ATP12A: variants seen among roughly 807,000 people sequenced by gnomAD.
The protein encoded by ATP12A is ATPase H+/K+ transporting non-gastric alpha2 subunit, also known as potassium-transporting ATPase alpha chain 2.
ATP12A carries 81 observed loss-of-function variants against 111.2 expected under a neutral mutation model. The observed-to-expected ratio is 0.73, with a 90% CI of 0.61 to 0.88. ATP12A has a LOEUF of 0.88. Ranked by LOEUF, ATP12A falls within the 40% of genes least tolerant of loss-of-function variation. The pLI is 0.00. For missense variants in ATP12A, 1,196 were observed against 1,313.1 expected, an observed-to-expected ratio of 0.91 and a Z score of 1.38; for synonymous variants, 498 against 499.8, an observed-to-expected ratio of 1.00 and a Z score of 0.05.
At chr13:24,695,410 A>C (rs1875102914) in intron 11 of ATP12A, among the ~76,000 whole-genome samples, 1 of 152,084 alleles carries the variant, frequency 6.6e-6, no homozygotes, top group Admixed American at 6.5e-5. Context: ...CCATGTTAAG[A>C]CAAATGACAG....
At position 24,685,358 on chromosome 13, in the gene ATP12A, C is replaced by G. The variant is rs1367544975; in HGVS notation, c.213C>G (p.Gly71=). ...ATAGGGAATTGGAAGAGAAATATGG[C>G]ACAGACATCATTATGGTGAGTCGTG... ...LSNRELEEKY[G]TDIIMGLSST... The change falls in exon 3 of 23, where the codon GGC becomes GGG. Residue 71 remains glycine, a synonymous_variant. Coordinates refer to ENST00000381946, the MANE Select transcript of ATP12A (RefSeq NM_001676.7). The surrounding 1 kb of genome is among the most constrained non-coding windows in gnomAD (Gnocchi z 5.5). The G allele has an allele frequency of 5.0e-6, 8 of 1,613,902 alleles. No individual in the cohort carries two copies. Among genetic ancestry groups the G allele is most frequent in the Non-Finnish European group, 6.8e-6 (8 of 1,179,958 alleles).
rs1593143206 is a variant in ATP12A at position 24,706,472 on chromosome 13, A to G, written c.2169+9A>G. The G allele has an allele frequency of 6.2e-7, 1 of 1,612,870 alleles. No individual in the cohort carries two copies. Among genetic ancestry groups the G allele is most frequent in the Non-Finnish European group, 8.5e-7 (1 of 1,179,332 alleles). ...AGGGCTGTCAGAGGCAGGTGGGTGG[A>G]CAGCAGTGTCCAGAGGACTGACAGG... is the stretch of plus-strand genomic sequence containing the variant. On this transcript the variant is annotated intron_variant, in intron 15 of 22. Transcript: ENST00000381946.
intron 15 of ATP12A, 31 bp downstream of exon 15, chr13:24,706,494 C>T (rs777436788): frequency 1.2e-6 from 2 of 1,607,346 alleles, no homozygotes; most frequent in East Asian, 4.5e-5. Context: ...AGAGGACTGA[C>T]AGGCCCATCA....
intron 18 of ATP12A, 83 bp downstream of exon 18, chr13:24,709,570 G>T (rs1414520646): frequency 3.1e-6 from 5 of 1,594,938 alleles, no homozygotes; most frequent in African/African-American, 1.3e-5. Flanking sequence ...CAGAAAGTGT[G>T]GTTTTCCTGT....
At chr13:24,688,708 A>G (rs1477106988) in intron 4 of ATP12A, among the ~76,000 whole-genome samples, 186 bp downstream of exon 4, 1 of 152,200 alleles carries the variant, frequency 6.6e-6, no homozygotes, top group Non-Finnish European at 1.5e-5. Flanking sequence ...GAAGAGGGAT[A>G]CACAAAACAC....
In ATP12A at chr13:24,711,581, G is replaced by T; in HGVS notation, c.*59G>T. 1.2e-6 allele frequency: 2 copies of T among 1,608,432 alleles called. No individual in the cohort carries two copies. Among genetic ancestry groups the T allele is most frequent in the South Asian group, 2.2e-5 (2 of 90,850 alleles). On this transcript the variant is annotated 3_prime_UTR_variant, in exon 23 of 23. Transcript: ENST00000381946. The stretch of plus-strand genomic sequence containing the variant: ...GTTGGGGCACACTTGTTCATCTTCT[G>T]ACCGTTTGCTGGGCTATTCCCCTGC...
At chr13:24,696,788 G>A (rs532531683) in intron 11 of ATP12A, among the ~76,000 whole-genome samples, 4 of 151,376 alleles carry the variant, frequency 2.6e-5, no homozygotes, top group South Asian at 4.2e-4. Context: ...TGAAGAGGTC[G>A]GAGGTGCTGT....
intron 4 of ATP12A, among the ~76,000 whole-genome samples, 173 bp from the exon 5 acceptor site, chr13:24,689,088 AC>A (rs1163775580): frequency 7.1e-6 from 1 of 140,978 alleles, no homozygotes; most frequent in Non-Finnish European, 1.6e-5. Flanking sequence ...GGCTCTGTAA[AC>A]TTAAAAAAAA....
chr13:24,711,223 C>A (rs2298306), intron 21 of ATP12A, 95 bp from the exon 22 acceptor site: 306,898 of 1,189,212 alleles, frequency 0.26, 43,738 homozygotes, highest in East Asian at 0.57. Flanking sequence ...TGCAGTAAAG[C>A]AAGACAAATG....
At chr13:24,711,138 C>A (rs1875949378) in intron 21 of ATP12A, among the ~76,000 whole-genome samples, 180 bp from the exon 22 acceptor site, 1 of 152,242 alleles carries the variant, frequency 6.6e-6, no homozygotes, top group African/African-American at 2.4e-5. Flanking sequence ...GACATTGCTT[C>A]TAGCAGTCAC....
rs1199522203 is a variant in ATP12A at position 24,696,718 on chromosome 13, C to CAAAAAA, written c.1513-1917_1513-1912dup. Among the ~76,000 whole-genome samples, 21 of 32,998 alleles carry CAAAAAA rather than the reference C, an allele frequency of 6.4e-4. 2 individuals are homozygous for CAAAAAA. The highest frequency in any genetic ancestry group is 1.0e-3 in the African/African-American group (11 of 10,878). The allele number at this position is 32,998 out of a possible 152,430, so 21.6% of individuals were successfully genotyped here. ...TGGGCGACAGAGCGAGACTCCGTCT[C>CAAAAAA]AAAAAAAAAAAAAAAAAAAAAAAAA... On this transcript the variant is annotated intron_variant, in intron 11 of 22. Coordinates refer to ENST00000381946, the MANE Select transcript of ATP12A (RefSeq NM_001676.7).
chr13:24,704,907 C>T (rs78581057), intron 14 of ATP12A: 5,938 of 152,604 alleles, frequency 0.039, 166 homozygotes, highest in South Asian at 0.12. Flanking sequence ...CAGTTATTCA[C>T]TTCATCAGCT....
chr13:24,710,978 G>A (rs1875943410), intron 21 of ATP12A, 85 bp downstream of exon 21: 1 of 1,246,714 alleles, frequency 8.0e-7, no homozygotes, highest in Non-Finnish European at 1.2e-6. Flanking sequence ...GGATTCCCAG[G>A]GTTCTTCCCC....
At chr13:24,681,490 C>A (rs1334671509) in intron 1 of ATP12A, 72 bp from the exon 2 acceptor site, 3 of 1,546,108 alleles carry the variant, frequency 1.9e-6, no homozygotes, top group African/African-American at 2.8e-5. Flanking sequence ...GTCCTGACCC[C>A]GCAGAGGGGC....
At position 24,707,306 on chromosome 13, in the gene ATP12A, A is replaced by G; in HGVS notation, c.2366A>G (p.Lys789Arg). 1 of 1,614,180 alleles carries G rather than the reference A, an allele frequency of 6.2e-7. No homozygotes were observed. Among genetic ancestry groups the G allele is most frequent in the Middle Eastern group, 1.6e-4 (1 of 6,062 alleles). Residue 789 changes from lysine to arginine, a missense_variant, in exon 17 of 23, where the codon AAG (lysine) becomes AGG (arginine). Physicochemically the swap from Lys to Arg is conservative, Grantham distance 26. Around this residue, in one of 3 missense-constraint regions of ATP12A, gnomAD observed 1,126 missense variants for 1,228.5 expected, o/e 0.92. Coordinates refer to ENST00000381946, the MANE Select transcript of ATP12A (RefSeq NM_001676.7). ...CGCCTGATCTTTGACAACCTCAAGA[A>G]GACTATTGCTTATTCCCTGACCAAG... ...EGRLIFDNLK[K>R]TIAYSLTKNI...
Position 24,680,484 on chromosome 13 carries a change from G to C in ATP12A, c.-260G>C, listed in dbSNP as rs1393259922. 2.5e-5 allele frequency: 11 copies of C among 443,370 alleles called. No individual in the cohort carries two copies. Among genetic ancestry groups the C allele is most frequent in the African/African-American group, 8.4e-5 (4 of 47,766 alleles). The allele number at this position is 443,370 out of a possible 1,614,324, so 27.5% of individuals were successfully genotyped here. ...CGCGCCGGCGGGTTTCCTACCCTCC[G>C]AGGCGTCCGCTGGCCTGCGCCCTGG... On this transcript the variant is annotated 5_prime_UTR_variant, in exon 1 of 23. Transcript: ENST00000381946.
At chr13:24,701,783 CA>C (rs1268740154) in intron 13 of ATP12A, 151 bp from the exon 14 acceptor site, 3 of 1,004,898 alleles carry the variant, frequency 3.0e-6, no homozygotes, top group Non-Finnish European at 4.5e-6. Flanking sequence ...GTGTTTCCTC[CA>C]AAGACAGTTG....
Position 24,701,996 on chromosome 13 carries a change from T to A in ATP12A, c.1943T>A (p.Ile648Asn). The change falls in exon 14 of 23, where the codon ATC (isoleucine) becomes AAC (asparagine). Residue 648 changes from isoleucine to asparagine, a missense_variant. Physicochemically the swap from Ile to Asn is moderately radical, Grantham distance 149. This residue lies in a region of ATP12A where 1,126 missense variants were observed against 1,228.5 expected (regional missense o/e 0.92). Transcript: ENST00000381946. Reference sequence around the variant, plus strand: ...AAAGCTATTGCCAAGAGTGTGGGGATCATTTCAGCCAACAGTGAAACAGTG... The same window carrying A: ...AAAGCTATTGCCAAGAGTGTGGGGAACATTTCAGCCAACAGTGAAACAGTG... ...TAKAIAKSVGIISANSETVED... is the reference protein window; with the variant it reads ...TAKAIAKSVGNISANSETVED... The A allele has an allele frequency of 6.2e-7, 1 of 1,614,214 alleles. No homozygotes were observed. The highest frequency in any genetic ancestry group is 8.5e-7 in the Non-Finnish European group (1 of 1,180,042).
At position 24,698,746 on chromosome 13, in the gene ATP12A, G is replaced by C. The variant is rs1163014677; in HGVS notation, c.1601G>C (p.Ser534Thr). 1 of 1,613,980 alleles carries C rather than the reference G, an allele frequency of 6.2e-7. No individual in the cohort carries two copies. Among genetic ancestry groups the C allele is most frequent in the Non-Finnish European group, 8.5e-7 (1 of 1,180,044 alleles). Residue 534 changes from serine to threonine, a missense_variant, in exon 12 of 23, where the codon AGC becomes ACC. By Grantham distance (58) the Ser-to-Thr change is moderately conservative. Transcript: ENST00000381946. ...GAPERILEKC[S>T]TIMINGEEHP... ...CCTGAGCGCATCCTAGAGAAATGCA[G>C]CACCATCATGATCAACGGCGAGGAG...
Sources: allele counts gnomAD v4.1 joint callset (sites outside exome capture counted in the v4.1 genomes callset), GRCh38; gene constraint gnomAD v4.1.1; regional missense constraint gnomAD v4.1.1; non-coding constraint Gnocchi (gnomAD v3.1); transcripts MANE v1.5; gene names NCBI Gene and HGNC (gene_info 2026-07-23, HGNC 2026-07-21).